ERLIN1: variants seen among roughly 807,000 people sequenced by gnomAD.
ERLIN1 encodes ER lipid raft associated 1, also known as erlin-1.
ERLIN1 carries 24 observed loss-of-function variants against 46.9 expected under a neutral mutation model. The ratio of observed to expected loss-of-function variants is 0.51; its 90% CI spans 0.37 to 0.72. The LOEUF (loss-of-function observed/expected upper bound fraction) is 0.72, where lower values mean the gene tolerates loss of function less well. Among genes scored for constraint, ERLIN1 ranks in the 30% least tolerant of loss-of-function variants. The pLI, the probability that ERLIN1 is intolerant of heterozygous loss-of-function variation, is 0.00. For missense variants in ERLIN1, 293 were observed against 417.9 expected, an observed-to-expected ratio of 0.70 and a Z score of 2.61; for synonymous variants, 158 against 143.2, an observed-to-expected ratio of 1.10 and a Z score of -0.74.
chr10:100,154,384 C>A (rs1842965355), intron 10 of ERLIN1, among the ~76,000 whole-genome samples: 1 of 152,188 alleles, frequency 6.6e-6, no homozygotes, highest in Admixed American at 6.5e-5. Flanking sequence ...GCAGTTAAAA[C>A]AACTGGTGAC....
At position 100,185,640 on chromosome 10, in the gene ERLIN1, G is replaced by GACGCATC; in HGVS notation, c.-15_-14insGATGCGT. On this transcript the variant is annotated 5_prime_UTR_variant, in exon 1 of 11. It adds an upstream start codon to the 5' untranslated region. Coordinates refer to ENST00000421367, the MANE Select transcript of ERLIN1 (RefSeq NM_006459.4). ...AGTCATATTCATTCTCGTTCCTCCT[G>GACGCATC]GGAGCGGGAGAAAAGGACCCTCAGT... 1 of 1,607,202 alleles carries GACGCATC rather than the reference G, an allele frequency of 6.2e-7. No individual in the cohort carries two copies. The highest frequency in any genetic ancestry group is 8.5e-7 in the Non-Finnish European group (1 of 1,173,878).
intron 7 of ERLIN1, 67 bp from the exon 8 acceptor site, chr10:100,164,162 G>T: frequency 1.9e-6 from 2 of 1,051,992 alleles, no homozygotes; most frequent in South Asian, 2.8e-5. Context: ...CAGTAATTCT[G>T]ACCCTACAGT....
chr10:100,166,317 G>C (rs943496151), intron 7 of ERLIN1, among the ~76,000 whole-genome samples: 5 of 152,096 alleles, frequency 3.3e-5, no homozygotes, highest in African/African-American at 1.2e-4. Context: ...CTACTCAGGA[G>C]GCTGAGGTGG....
chr10:100,167,859 G>C (rs1009241500), intron 6 of ERLIN1, among the ~76,000 whole-genome samples: 1 of 152,234 alleles, frequency 6.6e-6, no homozygotes, highest in African/African-American at 2.4e-5. Flanking sequence ...ATTTAATACA[G>C]TGAGTAGTGA....
intron 2 of ERLIN1, among the ~76,000 whole-genome samples, chr10:100,182,680 A>C (rs1380182619): frequency 6.6e-6 from 1 of 152,230 alleles, no homozygotes; most frequent in Admixed American, 6.5e-5. Context: ...CAAGACAACA[A>C]TATTAAAGAA....
chr10:100,179,165 G>A, intron 3 of ERLIN1, 36 bp downstream of exon 3: 2 of 1,526,744 alleles, frequency 1.3e-6, no homozygotes, highest in Non-Finnish European at 1.8e-6. Context: ...CTCTGTCTGA[G>A]CTAAAGGGAG....
chr10:100,161,390 C>A (rs911695570), intron 8 of ERLIN1, among the ~76,000 whole-genome samples: 1 of 152,022 alleles, frequency 6.6e-6, no homozygotes, highest in African/African-American at 2.4e-5. Flanking sequence ...AATAAATGTG[C>A]AAGAACTTTA....
At chr10:100,156,470 A>G (rs1228322533) in intron 8 of ERLIN1, among the ~76,000 whole-genome samples, 1 of 152,234 alleles carries the variant, frequency 6.6e-6, no homozygotes, top group East Asian at 1.9e-4. Context: ...GAGTAAAAAA[A>G]GGTTAAAGTG....
At chr10:100,163,432 A>G (rs1035027744) in intron 8 of ERLIN1, among the ~76,000 whole-genome samples, 1 of 151,534 alleles carries the variant, frequency 6.6e-6, no homozygotes, top group African/African-American at 2.4e-5. Flanking sequence ...AGCTTTCATT[A>G]TATTGTTCTC....
chr10:100,181,599 C>T (rs907628509), intron 2 of ERLIN1, among the ~76,000 whole-genome samples: 5 of 150,298 alleles, frequency 3.3e-5, no homozygotes, highest in South Asian at 4.2e-4. Context: ...ACTGCAACCT[C>T]GGTCTCCCAG....
In ERLIN1 at chr10:100,185,713, G is replaced by A. The variant is rs1016673385; in HGVS notation, c.-87C>T. The A allele has an allele frequency of 9.2e-7, 1 of 1,090,252 alleles. No homozygotes were observed. 67.5% of individuals were successfully genotyped at this position (1,090,252 alleles called of 1,614,324 possible). Reference sequence around the variant, plus strand: ...CCTCCAGTTTCTACCCTCTCCCTCCGGAAACTTGGCGCTCTCTCGCAGGCT... The same window carrying A: ...CCTCCAGTTTCTACCCTCTCCCTCCAGAAACTTGGCGCTCTCTCGCAGGCT... On this transcript the variant is annotated 5_prime_UTR_variant, in exon 1 of 11. Transcript: ENST00000421367.
At chr10:100,164,218 G>A (rs1589525936) in intron 7 of ERLIN1, 123 bp from the exon 8 acceptor site, 3 of 609,490 alleles carry the variant, frequency 4.9e-6, no homozygotes, top group East Asian at 5.6e-5. Context: ...GACCCATTAA[G>A]GTAGGTTAAG....
intron 2 of ERLIN1, among the ~76,000 whole-genome samples, chr10:100,179,863 G>A (rs997198516): frequency 1.3e-5 from 2 of 152,072 alleles, no homozygotes; most frequent in Non-Finnish European, 2.9e-5. Context: ...GCTGGCCAGG[G>A]GTTGTAAACA....
Position 100,185,606 on chromosome 10 carries a change from C to A in ERLIN1, c.21G>T (p.Arg7=). MNMTQA[R]VLVAAVVGLV... ...ACCCCACCACTGCAGCCACCAGAAC[C>A]CGGGCTTGAGTCATATTCATTCTCG... is the stretch of plus-strand genomic sequence containing the variant. The change falls in exon 1 of 11, where the codon CGG becomes CGT. Residue 7 remains arginine, a synonymous_variant. Coordinates refer to ENST00000421367, the MANE Select transcript of ERLIN1 (RefSeq NM_006459.4). The A allele has an allele frequency of 6.2e-7, 1 of 1,614,040 alleles. No homozygotes were observed. Among genetic ancestry groups the A allele is most frequent in the Non-Finnish European group, 8.5e-7 (1 of 1,179,868 alleles).
chr10:100,162,087 G>A (rs956141631), intron 8 of ERLIN1, among the ~76,000 whole-genome samples: 2 of 152,106 alleles, frequency 1.3e-5, no homozygotes, highest in East Asian at 1.9e-4. Flanking sequence ...TATGTATATC[G>A]AAGACATTGT....
In ERLIN1 at chr10:100,164,082, T is replaced by A; in HGVS notation, c.577A>T (p.Thr193Ser). 6.2e-7 allele frequency: 1 copy of A among 1,611,748 alleles called. No individual in the cohort carries two copies. The change falls in exon 8 of 11, where the codon ACA becomes TCA. Residue 193 changes from threonine to serine, a missense_variant. Thr to Ser is a moderately conservative substitution (Grantham distance 58). This residue lies in a region of ERLIN1 where 148 missense variants were observed against 266.5 expected (regional missense o/e 0.56). Coordinates refer to ENST00000421367, the MANE Select transcript of ERLIN1 (RefSeq NM_006459.4). ...TTCTGTGCAGCTATAAGGAGTTTTG[T>A]CTTCTCAGCCTCCCTGTGAAGCAAA... ...RNFELMEAEK[T>S]KLLIAAQKQK...
At chr10:100,155,583 C>T (rs1028498985) in intron 9 of ERLIN1, among the ~76,000 whole-genome samples, 1 of 151,486 alleles carries the variant, frequency 6.6e-6, no homozygotes, top group Admixed American at 6.6e-5. Context: ...GGCGGGATCT[C>T]GGCTCACTGC....
At chr10:100,153,735 C>T (rs1016939526) in intron 10 of ERLIN1, among the ~76,000 whole-genome samples, 2 of 152,266 alleles carry the variant, frequency 1.3e-5, no homozygotes, top group South Asian at 4.1e-4. Flanking sequence ...ACTACTGCCC[C>T]TTTCTGAATA....
rs1476106970 is a variant in ERLIN1, at chr10:100,167,416, A to G, written c.505-10T>C. 1 of 1,607,842 alleles carries G rather than the reference A, an allele frequency of 6.2e-7. No homozygotes were observed. The highest frequency in any genetic ancestry group is 8.5e-7 in the Non-Finnish European group (1 of 1,176,684). On this transcript the variant is annotated splice_polypyrimidine_tract_variant and intron_variant, in intron 6 of 10. Coordinates refer to ENST00000421367, the MANE Select transcript of ERLIN1 (RefSeq NM_006459.4). ...TTGTAACACGCACAGCCTAAAAAAT[A>G]AAAGTGAAAAAGCCAAAGTATATTT...
Sources: allele counts gnomAD v4.1 joint callset (sites outside exome capture counted in the v4.1 genomes callset), GRCh38; gene constraint gnomAD v4.1.1; regional missense constraint gnomAD v4.1.1; transcripts MANE v1.5; gene names NCBI Gene and HGNC (gene_info 2026-07-23, HGNC 2026-07-21).